The following RAPGEF4 variants were observed in gnomAD, a reference collection of about 807,000 sequenced individuals.
RAPGEF4 encodes RAP guanine-nucleotide-exchange factor (GEF) 4.
In RAPGEF4, 66 loss-of-function variants were observed where a neutral mutation model predicts 147.9. The ratio of observed to expected loss-of-function variants is 0.45; its 90% CI spans 0.37 to 0.55. RAPGEF4 has a LOEUF of 0.55. Among genes scored for constraint, RAPGEF4 ranks in the 20% least tolerant of loss-of-function variants. RAPGEF4 has a pLI of 0.00. For synonymous variants in RAPGEF4, 419 were observed against 442.7 expected (o/e 0.95, Z 0.67); for missense variants, 1,071 against 1,257.3 (o/e 0.85, Z 2.24).
chr2:172,880,603 C>T (rs1225400028), intron 4 of RAPGEF4, among the ~76,000 whole-genome samples: 1 of 152,156 alleles, frequency 6.6e-6, no homozygotes, highest in African/African-American at 2.4e-5. Flanking sequence ...TATAGAAGCA[C>T]GATAATTAAA....
At chr2:172,856,134 C>G (rs1457558342) in intron 4 of RAPGEF4, among the ~76,000 whole-genome samples, 1 of 152,050 alleles carries the variant, frequency 6.6e-6, no homozygotes, top group South Asian at 2.1e-4. Context: ...ATCCCTAAGG[C>G]CTTCTTCATT....
At chr2:172,869,408 G>T (rs1334851244) in intron 4 of RAPGEF4, among the ~76,000 whole-genome samples, 1 of 152,194 alleles carries the variant, frequency 6.6e-6, no homozygotes, top group Non-Finnish European at 1.5e-5. Flanking sequence ...TTTGCTAAAA[G>T]TCCTTTCCCT....
chr2:172,867,222 C>T (rs1240387478), intron 4 of RAPGEF4, among the ~76,000 whole-genome samples: 2 of 152,116 alleles, frequency 1.3e-5, no homozygotes, highest in African/African-American at 4.8e-5. Context: ...ATCCACCCAC[C>T]TCGGCCTCCC....
At chr2:172,737,723 C>T (rs1204574095) in intron 1 of RAPGEF4, among the ~76,000 whole-genome samples, 1 of 151,528 alleles carries the variant, frequency 6.6e-6, no homozygotes, top group African/African-American at 2.4e-5. Flanking sequence ...AAAAAAAAAC[C>T]CTTCACAGAT....
intron 4 of RAPGEF4, among the ~76,000 whole-genome samples, chr2:172,854,112 T>C (rs1402775223): frequency 1.3e-5 from 2 of 152,164 alleles, no homozygotes; most frequent in Middle Eastern, 3.4e-3. Context: ...TAGGTCAATG[T>C]AGTTGGTAGT....
intron 3 of RAPGEF4, among the ~76,000 whole-genome samples, chr2:172,808,630 C>T (rs1407752311): frequency 6.6e-6 from 1 of 152,136 alleles, no homozygotes; most frequent in Non-Finnish European, 1.5e-5. Context: ...GTGCCAGAAA[C>T]TATACAGCAC....
intron 3 of RAPGEF4, among the ~76,000 whole-genome samples, chr2:172,803,802 A>G (rs1272705656): frequency 2.0e-5 from 3 of 152,190 alleles, no homozygotes; most frequent in Non-Finnish European, 4.4e-5. Flanking sequence ...TGCTGCATAG[A>G]AATTTCTTCT....
intron 10 of RAPGEF4, among the ~76,000 whole-genome samples, chr2:172,981,250 G>A (rs1272826719): frequency 6.6e-6 from 1 of 152,178 alleles, no homozygotes; most frequent in Non-Finnish European, 1.5e-5. Flanking sequence ...AGAACAGCAG[G>A]GCTGCTCCTT....
intron 6 of RAPGEF4, among the ~76,000 whole-genome samples, chr2:172,948,311 A>G (rs968195224): frequency 6.6e-6 from 1 of 152,216 alleles, no homozygotes; most frequent in Non-Finnish European, 1.5e-5. Context: ...TTTATGTTCT[A>G]TATATGGACT....
intron 4 of RAPGEF4, among the ~76,000 whole-genome samples, chr2:172,861,617 C>G (rs1372663550): frequency 6.6e-6 from 1 of 152,216 alleles, no homozygotes; most frequent in Non-Finnish European, 1.5e-5. Flanking sequence ...GTTCTATACA[C>G]TATGTCTTCC....
intron 3 of RAPGEF4, among the ~76,000 whole-genome samples, chr2:172,798,681 T>A (rs1686652398): frequency 7.3e-6 from 1 of 137,160 alleles, no homozygotes; most frequent in Non-Finnish European, 1.6e-5. Flanking sequence ...GAGAAACATT[T>A]ATGACACACC....
chr2:172,842,014 T>C (rs1691668293), intron 4 of RAPGEF4, among the ~76,000 whole-genome samples: 1 of 152,230 alleles, frequency 6.6e-6, no homozygotes, highest in African/African-American at 2.4e-5. Context: ...GTATCCTTTA[T>C]TCAGGACCTA....
intron 1 of RAPGEF4, among the ~76,000 whole-genome samples, chr2:172,771,341 C>T (rs551400450): frequency 3.3e-5 from 5 of 151,880 alleles, no homozygotes; most frequent in South Asian, 2.1e-4. Flanking sequence ...CTAATACCAT[C>T]GCCTTGGGGG....
At chr2:172,780,827 G>A (rs1337524484) in intron 1 of RAPGEF4, among the ~76,000 whole-genome samples, 1 of 152,060 alleles carries the variant, frequency 6.6e-6, no homozygotes, top group Middle Eastern at 3.2e-3. Flanking sequence ...ATCTGCAGAA[G>A]TCTTATAACT....
At chr2:172,934,027 T>A (rs1410126014) in intron 6 of RAPGEF4, among the ~76,000 whole-genome samples, 1 of 147,552 alleles carries the variant, frequency 6.8e-6, no homozygotes, top group East Asian at 1.9e-4. Flanking sequence ...GGGTTAATAA[T>A]CCCCTTTTTC....
intron 13 of RAPGEF4, 131 bp from the exon 14 acceptor site, chr2:172,988,562 C>A: frequency 1.7e-6 from 2 of 1,151,820 alleles, no homozygotes; most frequent in Non-Finnish European, 1.2e-6. Context: ...TTATGTAATC[C>A]CCTTTGGCAT....
At chr2:173,043,937 C>A (rs996492035) in intron 29 of RAPGEF4, among the ~76,000 whole-genome samples, 2 of 152,116 alleles carry the variant, frequency 1.3e-5, no homozygotes, top group Non-Finnish European at 2.9e-5. Context: ...CAGGCTGACC[C>A]CTAAATTGGG....
chr2:172,968,582 C>G (rs1690116050), intron 10 of RAPGEF4, among the ~76,000 whole-genome samples: 1 of 152,184 alleles, frequency 6.6e-6, no homozygotes, highest in South Asian at 2.1e-4. Context: ...AAGGCCTCCC[C>G]TCATCCCAGC....
chr2:173,011,941 T>C (rs1306347184), intron 17 of RAPGEF4, among the ~76,000 whole-genome samples: 1 of 152,186 alleles, frequency 6.6e-6, no homozygotes, highest in Non-Finnish European at 1.5e-5. Flanking sequence ...ACTCTATTAC[T>C]ACCAGCTCAG....
Sources: gnomAD v4.1 joint callset for allele counts (sites outside exome capture counted in the v4.1 genomes callset) on GRCh38, gnomAD v4.1.1 for gene constraint, MANE v1.5 for transcripts, NCBI Gene and HGNC (gene_info 2026-07-23, HGNC 2026-07-21) for gene names.